SMOC1: variants seen among roughly 807,000 people sequenced by gnomAD.
SMOC1 encodes the protein SPARC-related modular calcium-binding protein 1.
Under a neutral mutation model 56.3 loss-of-function variants are expected in SMOC1, and 22 were observed. The ratio of observed to expected loss-of-function variants is 0.39; its 90% CI spans 0.28 to 0.56. The LOEUF (loss-of-function observed/expected upper bound fraction) is 0.56. Among genes scored for constraint, SMOC1 ranks in the 20% least tolerant of loss-of-function variants. The probability of loss-of-function intolerance (pLI) is 0.61; values close to 1 mark genes in which losing one functional copy is unlikely to be tolerated. For synonymous variants in SMOC1, 193 were observed against 215.0 expected (o/e 0.90, Z 0.89); for missense variants, 509 against 565.4 (o/e 0.90, Z 1.01).
intron 1 of SMOC1, among the ~76,000 whole-genome samples, chr14:69,887,086 G>T (rs181039589): frequency 2.7e-4 from 41 of 152,310 alleles, no homozygotes; most frequent in Admixed American, 1.4e-3. Flanking sequence ...ATGCTCATCA[G>T]TGGGAGGGCA....
At chr14:70,020,053 ATCT>A (rs145848172) in intron 10 of SMOC1, among the ~76,000 whole-genome samples, 26,561 of 151,880 alleles carry the variant, frequency 0.17, 2,625 homozygotes, top group African/African-American at 0.26. Flanking sequence ...GTCTGACTCC[ATCT>A]TCTTCTTTAA....
rs1410810873 is a variant in SMOC1 at position 69,953,067 on chromosome 14, C to A, written c.266-353C>A. 2.6e-5 allele frequency among the ~76,000 whole-genome samples: 4 copies of A among 152,320 alleles called. No individual in the cohort carries two copies. The East Asian group carries it at 7.7e-4, about 29-fold the overall frequency. On this transcript the variant is annotated intron_variant, in intron 2 of 11. Transcript: ENST00000361956. Reference sequence around the variant, plus strand: ...TTTTCTAAAGAAAATGGTTGCAATTCTTGAACCATAAGACATGGTTGAGCC... The same window carrying A: ...TTTTCTAAAGAAAATGGTTGCAATTATTGAACCATAAGACATGGTTGAGCC...
Position 69,953,382 on chromosome 14 carries a change from C to T in SMOC1, c.266-38C>T, listed in dbSNP as rs768036578. The T allele has an allele frequency of 1.4e-5, 23 of 1,597,670 alleles. No homozygotes were observed. The South Asian group carries it at 2.4e-4, about 17-fold the overall frequency. ...TTGTCCCTCGGCCCCAGTGTCGAAT[C>T]CAAGTGAAATATGAAATCTGCTCCT... On this transcript the variant is annotated intron_variant, in intron 2 of 11. Transcript: ENST00000361956.
chr14:69,958,919 C>A (rs1294289195), intron 3 of SMOC1, among the ~76,000 whole-genome samples: 2 of 151,480 alleles, frequency 1.3e-5, no homozygotes, highest in Non-Finnish European at 2.9e-5. Context: ...ATTTAATTAA[C>A]CAGATAATTA....
At chr14:69,978,003 C>T (rs1884031002) in intron 5 of SMOC1, 38 bp downstream of exon 5, 2 of 1,571,832 alleles carry the variant, frequency 1.3e-6, no homozygotes, top group Non-Finnish European at 1.8e-6. Flanking sequence ...ATGTTTGCTT[C>T]CAAAGGTGGT....
rs554530558 is a variant in SMOC1, at chr14:69,937,078, G to A, written c.100-15060G>A. 3.9e-5 allele frequency among the ~76,000 whole-genome samples: 6 copies of A among 152,286 alleles called. No homozygotes were observed. The East Asian group carries it at 1.2e-3, about 29-fold the overall frequency. On this transcript the variant is annotated intron_variant, in intron 1 of 11. Coordinates refer to ENST00000361956, the MANE Select transcript of SMOC1 (RefSeq NM_001034852.3). ...AAAAGTCTTTAGTACCGAGTCTTTTGGGTGTTATCCTTCGCATCAGAAAAG... is the reference window on the plus strand; with the variant it reads ...AAAAGTCTTTAGTACCGAGTCTTTTAGGTGTTATCCTTCGCATCAGAAAAG...
chr14:70,002,770 A>C (rs1885013735), intron 7 of SMOC1, among the ~76,000 whole-genome samples: 1 of 152,226 alleles, frequency 6.6e-6, no homozygotes, highest in Non-Finnish European at 1.5e-5. Context: ...TAACCTGTTC[A>C]CATAGTTGGC....
At chr14:69,898,728 C>G (rs1184103641) in intron 1 of SMOC1, among the ~76,000 whole-genome samples, 1 of 152,100 alleles carries the variant, frequency 6.6e-6, no homozygotes, top group East Asian at 1.9e-4. Flanking sequence ...GCATATTAAT[C>G]ATAGTTTTAA....
At chr14:69,989,990 C>A (rs531215290) in intron 5 of SMOC1, among the ~76,000 whole-genome samples, 1 of 152,344 alleles carries the variant, frequency 6.6e-6, no homozygotes, top group Admixed American at 6.5e-5. Context: ...TCTTTTCTCA[C>A]TTCATAAAGA....
rs1194127007 is a variant in SMOC1 at position 69,961,282 on chromosome 14, A to G, written c.378+7750A>G. Among the ~76,000 whole-genome samples the G allele has an allele frequency of 8.6e-3, 546 of 63,854 alleles. 5 individuals carry two copies. Among genetic ancestry groups the G allele is most frequent in the Middle Eastern group, 0.012 (2 of 162 alleles). The allele number at this position is 63,854 out of a possible 152,430, so 41.9% of individuals were successfully genotyped here. On this transcript the variant is annotated intron_variant, in intron 3 of 11. Transcript: ENST00000361956. ...GCAATATTCTATTGTGTATATATAT[A>G]TATATATATATATATATATATATAT...
chr14:69,952,448 G>A (rs1264582544), intron 2 of SMOC1, 145 bp downstream of exon 2: 1 of 938,378 alleles, frequency 1.1e-6, no homozygotes, highest in Non-Finnish European at 1.6e-6. Context: ...CCAGGGCCAA[G>A]GGAAGAAAGC....
intron 5 of SMOC1, among the ~76,000 whole-genome samples, chr14:69,978,718 A>T (rs1337428896): frequency 6.6e-6 from 1 of 152,128 alleles, no homozygotes; most frequent in Non-Finnish European, 1.5e-5. Context: ...GGAATAAAGG[A>T]CAAAGTTTTG....
At chr14:70,029,479 C>T (rs1355588166) in intron 11 of SMOC1, among the ~76,000 whole-genome samples, 1 of 152,158 alleles carries the variant, frequency 6.6e-6, no homozygotes, top group Non-Finnish European at 1.5e-5. Flanking sequence ...TGTGTGAAGG[C>T]GTTGGCCAGT....
chr14:69,907,571 T>A (rs1388147332), intron 1 of SMOC1, among the ~76,000 whole-genome samples: 1 of 152,134 alleles, frequency 6.6e-6, no homozygotes, highest in East Asian at 1.9e-4. Flanking sequence ...GAATTTAGGG[T>A]AACTACTATT....
chr14:69,922,723 G>A (rs908317518), intron 1 of SMOC1, among the ~76,000 whole-genome samples: 1 of 152,078 alleles, frequency 6.6e-6, no homozygotes, highest in Non-Finnish European at 1.5e-5. Flanking sequence ...ATCAGCTTAT[G>A]GGGACAGAGC....
In SMOC1 at chr14:70,031,841, C is replaced by T. The variant is rs1443885666; in HGVS notation, c.*1583C>T. 1 of 152,362 alleles carries T rather than the reference C, an allele frequency of 6.6e-6. No individual in the cohort carries two copies. Among genetic ancestry groups the T allele is most frequent in the Non-Finnish European group, 1.5e-5 (1 of 68,126 alleles). The allele number at this position is 152,362 out of a possible 1,614,324, so 9.4% of individuals were successfully genotyped here. On this transcript the variant is annotated 3_prime_UTR_variant, in exon 12 of 12. Coordinates refer to ENST00000361956, the MANE Select transcript of SMOC1 (RefSeq NM_001034852.3). ...TGGGTAGCCCTGGACTGGTCCCCTC[C>T]TCAGATCACCCTTGCAAATCTGGCC...
intron 1 of SMOC1, among the ~76,000 whole-genome samples, chr14:69,939,009 A>G (rs1424330370): frequency 6.6e-6 from 1 of 152,162 alleles, no homozygotes; most frequent in East Asian, 1.9e-4. Flanking sequence ...GCCTCAGCTC[A>G]TGAACAGGTT....
intron 1 of SMOC1, among the ~76,000 whole-genome samples, chr14:69,927,677 A>T (rs115747793): frequency 0.022 from 3,378 of 152,148 alleles, 96 homozygotes; most frequent in African/African-American, 0.069. Context: ...TTCCATCTCA[A>T]CCACCACAAC....
intron 5 of SMOC1, among the ~76,000 whole-genome samples, chr14:69,982,218 T>A (rs890501955): frequency 2.0e-5 from 3 of 152,204 alleles, no homozygotes; most frequent in Non-Finnish European, 2.9e-5. Flanking sequence ...ACTAATATAC[T>A]CTGCTAAACT....
Sources: gnomAD v4.1 joint callset for allele counts (sites outside exome capture counted in the v4.1 genomes callset) on GRCh38, gnomAD v4.1.1 for gene constraint, MANE v1.5 for transcripts, NCBI Gene and HGNC (gene_info 2026-07-23, HGNC 2026-07-21) for gene names.